The following ITGBL1 variants were observed in gnomAD, a reference collection of about 807,000 sequenced individuals.
ITGBL1 encodes the protein integrin subunit beta like 1.
Under a neutral mutation model 68.5 loss-of-function variants are expected in ITGBL1, and 51 were observed. The ratio of observed to expected loss-of-function variants is 0.74; its 90% CI spans 0.59 to 0.94. The LOEUF (loss-of-function observed/expected upper bound fraction) is 0.94. Among genes scored for constraint, ITGBL1 ranks in the 40% least tolerant of loss-of-function variants. The pLI is 0.00. For synonymous variants in ITGBL1, 209 were observed against 227.3 expected (o/e 0.92, Z 0.72); for missense variants, 649 against 647.4 (o/e 1.00, Z -0.03).
At position 101,543,951 on chromosome 13, in the gene ITGBL1, C is replaced by T. The variant is rs184298155; in HGVS notation, c.317-23748C>T. 1.5e-3 allele frequency among the ~76,000 whole-genome samples: 223 copies of T among 152,216 alleles called. 1 individual carries two copies. The highest frequency in any genetic ancestry group is 5.1e-3 in the African/African-American group (212 of 41,530). On this transcript the variant is annotated intron_variant, in intron 2 of 10. Coordinates refer to ENST00000376180, the MANE Select transcript of ITGBL1 (RefSeq NM_004791.3). ...GCATTGGTTATTCTAGTTAGCCATTCGTCTAATTTTTTTTCGAGGTTTTTA... is the reference window on the plus strand; with the variant it reads ...GCATTGGTTATTCTAGTTAGCCATTTGTCTAATTTTTTTTCGAGGTTTTTA...
chr13:101,581,806 G>A (rs2050462130), intron 5 of ITGBL1, among the ~76,000 whole-genome samples: 1 of 152,162 alleles, frequency 6.6e-6, no homozygotes, highest in Admixed American at 6.5e-5. Flanking sequence ...TGAGCTATAA[G>A]TCTGAATAAT....
intron 3 of ITGBL1, among the ~76,000 whole-genome samples, chr13:101,571,371 G>T (rs1166989424): frequency 6.6e-6 from 1 of 152,074 alleles, no homozygotes; most frequent in Admixed American, 6.5e-5. Context: ...CGAATGACGT[G>T]TTCATAAGTC....
intron 2 of ITGBL1, among the ~76,000 whole-genome samples, chr13:101,508,286 G>T (rs986294160): frequency 6.6e-6 from 1 of 152,052 alleles, no homozygotes; most frequent in African/African-American, 2.4e-5. Context: ...TTTGTAATAC[G>T]ATCAATTCAC....
chr13:101,463,311 A>G (rs1039452730), intron 2 of ITGBL1, among the ~76,000 whole-genome samples: 8 of 152,082 alleles, frequency 5.3e-5, no homozygotes, highest in Non-Finnish European at 7.4e-5. Flanking sequence ...TGCCTACTCT[A>G]TAGTGCCAGG....
chr13:101,612,540 C>T (rs1375008194), intron 7 of ITGBL1, among the ~76,000 whole-genome samples: 1 of 149,136 alleles, frequency 6.7e-6, no homozygotes, highest in Non-Finnish European at 1.5e-5. Context: ...TTGTAAAACT[C>T]ACCCTCTTGA....
intron 2 of ITGBL1, among the ~76,000 whole-genome samples, chr13:101,465,710 C>A (rs983464896): frequency 6.6e-6 from 1 of 152,032 alleles, no homozygotes; most frequent in African/African-American, 2.4e-5. Flanking sequence ...TAACAGTCAC[C>A]CATTTATATT....
chr13:101,647,491 A>C (rs1006129369), intron 7 of ITGBL1, among the ~76,000 whole-genome samples: 3 of 152,200 alleles, frequency 2.0e-5, no homozygotes, highest in African/African-American at 7.2e-5. Flanking sequence ...ATACCAACAA[A>C]AAAAAATATA....
At chr13:101,471,371 A>T in intron 2 of ITGBL1, among the ~76,000 whole-genome samples, 1 of 152,142 alleles carries the variant, frequency 6.6e-6, no homozygotes, top group East Asian at 1.9e-4. Flanking sequence ...TGATTAAATT[A>T]TATACTCCTC....
At chr13:101,609,088 G>A (rs1439800316) in intron 7 of ITGBL1, among the ~76,000 whole-genome samples, 1 of 151,980 alleles carries the variant, frequency 6.6e-6, no homozygotes, top group Non-Finnish European at 1.5e-5. Flanking sequence ...CTATTACCAT[G>A]CAATAGCCCA....
intron 4 of ITGBL1, among the ~76,000 whole-genome samples, chr13:101,577,639 A>C (rs1195913658): frequency 2.0e-5 from 3 of 152,250 alleles, no homozygotes; most frequent in Admixed American, 2.0e-4. Context: ...CTTCTGTATA[A>C]ATTTTCTGAA....
chr13:101,645,472 C>T (rs753085043), intron 7 of ITGBL1, among the ~76,000 whole-genome samples: 5 of 151,448 alleles, frequency 3.3e-5, no homozygotes, highest in Non-Finnish European at 5.9e-5. Context: ...AATAGAGCTT[C>T]GTATTTGGGC....
intron 2 of ITGBL1, among the ~76,000 whole-genome samples, chr13:101,567,312 T>C (rs2050196961): frequency 6.6e-6 from 1 of 152,128 alleles, no homozygotes; most frequent in African/African-American, 2.4e-5. Flanking sequence ...TTATTCATGG[T>C]TTGTGGTTTA....
At chr13:101,696,515 T>C (rs2034005681) in intron 8 of ITGBL1, among the ~76,000 whole-genome samples, 1 of 152,180 alleles carries the variant, frequency 6.6e-6, no homozygotes, top group African/African-American at 2.4e-5. Flanking sequence ...CCCTTGGGTA[T>C]GTTAGTTCCC....
At chr13:101,529,537 A>T (rs1332461434) in intron 2 of ITGBL1, among the ~76,000 whole-genome samples, 1 of 152,194 alleles carries the variant, frequency 6.6e-6, no homozygotes, top group Non-Finnish European at 1.5e-5. Flanking sequence ...ATTTTTGGCA[A>T]GTATAGTTTA....
intron 2 of ITGBL1, among the ~76,000 whole-genome samples, chr13:101,548,480 A>G (rs936629049): frequency 6.6e-6 from 1 of 151,868 alleles, no homozygotes. Flanking sequence ...TATGACCACA[A>G]TTTAAAATGG....
chr13:101,576,893 A>C (rs576438802), intron 4 of ITGBL1, among the ~76,000 whole-genome samples: 1 of 151,966 alleles, frequency 6.6e-6, no homozygotes, highest in Non-Finnish European at 1.5e-5. Context: ...AATTAGACAA[A>C]TCCATCCACA....
intron 2 of ITGBL1, among the ~76,000 whole-genome samples, chr13:101,503,361 G>A (rs190779340): frequency 6.6e-6 from 1 of 152,256 alleles, no homozygotes; most frequent in East Asian, 1.9e-4. Flanking sequence ...TCCACAGAAG[G>A]CATTGCTGAA....
intron 2 of ITGBL1, among the ~76,000 whole-genome samples, chr13:101,493,265 C>G (rs1372048309): frequency 6.6e-6 from 1 of 151,930 alleles, no homozygotes; most frequent in Non-Finnish European, 1.5e-5. Flanking sequence ...CTTTCATCCT[C>G]TATCCCAAAG....
intron 2 of ITGBL1, among the ~76,000 whole-genome samples, chr13:101,542,914 A>G (rs1194661616): frequency 6.6e-6 from 1 of 151,788 alleles, no homozygotes; most frequent in Non-Finnish European, 1.5e-5. Context: ...TGCTTGGTAG[A>G]TCTTCTTCCA....
Sources: allele counts gnomAD v4.1 joint callset (sites outside exome capture counted in the v4.1 genomes callset), GRCh38; gene constraint gnomAD v4.1.1; transcripts MANE v1.5; gene names NCBI Gene and HGNC (gene_info 2026-07-23, HGNC 2026-07-21).